LGR4: variants seen among roughly 807,000 people sequenced by gnomAD.
LGR4 encodes the protein leucine-rich repeat-containing G protein-coupled receptor 4.
In LGR4, 44 loss-of-function variants were observed where a neutral mutation model predicts 84.8. The observed-to-expected ratio is 0.52, with a 90% CI of 0.41 to 0.67. The LOEUF (loss-of-function observed/expected upper bound fraction) is 0.67, where lower values mean the gene tolerates loss of function less well. LGR4 is among the 30% of genes least tolerant of loss of function. LGR4 has a pLI of 0.00. For synonymous variants in LGR4, 429 were observed against 434.3 expected (o/e 0.99, Z 0.15); for missense variants, 1,032 against 1,131.4 (o/e 0.91, Z 1.26).
chr11:27,416,654 G>A lies in LGR4; in HGVS notation c.186-3794C>T, dbSNP rs543430557. 3.9e-5 allele frequency among the ~76,000 whole-genome samples: 6 copies of A among 152,148 alleles called. No individual in the cohort carries two copies. The South Asian group carries it at 1.2e-3, about 32-fold the overall frequency. ...CACAAAACTAAACTCCAGAACCCCAGGAGACAAAGATTTTAAGCTGGGAGA... is the reference window on the plus strand; with the variant it reads ...CACAAAACTAAACTCCAGAACCCCAAGAGACAAAGATTTTAAGCTGGGAGA... On this transcript the variant is annotated intron_variant, in intron 1 of 17. Coordinates refer to ENST00000379214, the MANE Select transcript of LGR4 (RefSeq NM_018490.5).
At chr11:27,456,426 T>C (rs1460220941) in intron 1 of LGR4, among the ~76,000 whole-genome samples, 1 of 152,240 alleles carries the variant, frequency 6.6e-6, no homozygotes, top group Non-Finnish European at 1.5e-5. Context: ...ACTTTTATGC[T>C]GACTTCCCTA....
At chr11:27,394,461 G>A (rs537316813) in intron 2 of LGR4, among the ~76,000 whole-genome samples, 31 of 152,190 alleles carry the variant, frequency 2.0e-4, no homozygotes, top group African/African-American at 7.5e-4. Flanking sequence ...GGAGTGCAGT[G>A]GTGCAATCTC....
chr11:27,402,423 T>C (rs1009018019), intron 2 of LGR4, among the ~76,000 whole-genome samples: 5 of 152,082 alleles, frequency 3.3e-5, no homozygotes, highest in African/African-American at 1.2e-4. Flanking sequence ...AGTAAGGAGA[T>C]ACCCTGGGTT....
intron 1 of LGR4, among the ~76,000 whole-genome samples, chr11:27,435,998 G>A (rs971037975): frequency 4.0e-5 from 6 of 151,550 alleles, no homozygotes; most frequent in African/African-American, 9.7e-5. Flanking sequence ...TGCAAGCTCC[G>A]CCTCCTGGGT....
Position 27,368,197 on chromosome 11 carries a change from G to A in LGR4, c.2526C>T (p.Tyr842=). ...AATGTGAGTACATGCCACAGTCGTA[G>A]TAGAAATCCTGTTCCAGACAACCAC... is the stretch of plus-strand genomic sequence containing the variant. The part of the protein sequence containing the change: ...SQGGCLEQDF[Y]YDCGMYSHLQ... The change falls in exon 18 of 18, where the codon TAC becomes TAT. Residue 842 remains tyrosine, a synonymous_variant. Transcript: ENST00000379214. The A allele has an allele frequency of 6.2e-7, 1 of 1,614,250 alleles. No individual in the cohort carries two copies. Among genetic ancestry groups the A allele is most frequent in the Non-Finnish European group, 8.5e-7 (1 of 1,180,044 alleles).
intron 2 of LGR4, among the ~76,000 whole-genome samples, chr11:27,406,313 T>G (rs979538435): frequency 6.6e-6 from 1 of 152,092 alleles, no homozygotes; most frequent in Non-Finnish European, 1.5e-5. Flanking sequence ...CAACAAAAGT[T>G]TGTTGAATTT....
At chr11:27,468,140 T>G (rs1303871634) in intron 1 of LGR4, among the ~76,000 whole-genome samples, 1 of 152,204 alleles carries the variant, frequency 6.6e-6, no homozygotes, top group East Asian at 1.9e-4. Flanking sequence ...GGGAAGAATC[T>G]GAGATGATCT....
At chr11:27,372,571 A>G (rs1007044448) in intron 15 of LGR4, among the ~76,000 whole-genome samples, 173 bp from the exon 16 acceptor site, 1 of 152,152 alleles carries the variant, frequency 6.6e-6, no homozygotes, top group Non-Finnish European at 1.5e-5. Flanking sequence ...ATCTGTGAAA[A>G]CAGCTCTGGT....
chr11:27,467,223 A>C (rs1476070586), intron 1 of LGR4, among the ~76,000 whole-genome samples: 1 of 152,172 alleles, frequency 6.6e-6, no homozygotes, highest in Non-Finnish European at 1.5e-5. Context: ...TCTACAGTTT[A>C]GACACCTATA....
chr11:27,372,221 T>C (rs1862897612), intron 16 of LGR4, 62 bp downstream of exon 16: 2 of 969,850 alleles, frequency 2.1e-6, no homozygotes, highest in South Asian at 2.6e-5. Flanking sequence ...GTAATTATAA[T>C]AACAGGAACT....
intron 1 of LGR4, among the ~76,000 whole-genome samples, chr11:27,413,920 C>A (rs760071534): frequency 2.6e-5 from 4 of 152,110 alleles, no homozygotes; most frequent in Non-Finnish European, 4.4e-5. Flanking sequence ...TTCTCCCCAT[C>A]TTTCCTCTCA....
At chr11:27,444,009 CA>C (rs1311983312) in intron 1 of LGR4, among the ~76,000 whole-genome samples, 1 of 152,034 alleles carries the variant, frequency 6.6e-6, no homozygotes, top group African/African-American at 2.4e-5. Flanking sequence ...TTTGGTCTTT[CA>C]AAGCCCTTAA....
At chr11:27,450,306 T>G (rs1864460466) in intron 1 of LGR4, among the ~76,000 whole-genome samples, 1 of 152,248 alleles carries the variant, frequency 6.6e-6, no homozygotes, top group South Asian at 2.1e-4. Context: ...GGTATATTCC[T>G]CTACTTGAAA....
intron 1 of LGR4, among the ~76,000 whole-genome samples, chr11:27,422,987 T>C (rs1366918781): frequency 6.6e-6 from 1 of 152,198 alleles, no homozygotes; most frequent in Non-Finnish European, 1.5e-5. Flanking sequence ...TTTAGAAGTA[T>C]ACATTAACAT....
chr11:27,376,425 G>C (rs1862982735), intron 12 of LGR4, 55 bp from the exon 13 acceptor site: 1 of 890,574 alleles, frequency 1.1e-6, no homozygotes. Flanking sequence ...GAAGAGAACA[G>C]GAGGAGGAGG....
intron 4 of LGR4, 98 bp from the exon 5 acceptor site, chr11:27,385,566 AT>A: frequency 1.4e-6 from 1 of 703,984 alleles, no homozygotes; most frequent in South Asian, 2.2e-5. Flanking sequence ...AAAAGGACTT[AT>A]AAAAATTATC....
At chr11:27,448,519 C>T (rs113166584) in intron 1 of LGR4, among the ~76,000 whole-genome samples, 1 of 151,896 alleles carries the variant, frequency 6.6e-6, no homozygotes, top group African/African-American at 2.4e-5. Context: ...CTCGAACTCC[C>T]GACCTCAGGT....
chr11:27,380,705 C>A lies in LGR4; in HGVS notation c.837G>T (p.Leu279Phe). ...CCACAAAAGACAGAGGATTATCATACAAATGTCTGTGAAAATATCCAAAAA... is the reference window on the plus strand; with the variant it reads ...CCACAAAAGACAGAGGATTATCATAAAAATGTCTGTGAAAATATCCAAAAA... ...DGNPLLRTIH[L>F]YDNPLSFVGN... The change falls in exon 9 of 18, where the codon TTG (leucine) becomes TTT (phenylalanine). Residue 279 changes from leucine (L) to phenylalanine (F), a missense_variant. By Grantham distance (22) the Leu-to-Phe change is conservative. Transcript: ENST00000379214. The A allele has an allele frequency of 6.3e-7, 1 of 1,597,260 alleles. No individual in the cohort carries two copies. Among genetic ancestry groups the A allele is most frequent in the Non-Finnish European group, 8.6e-7 (1 of 1,167,050 alleles).
rs956297202 is a variant in LGR4 at position 27,367,956 on chromosome 11, C to A, written c.2767G>T (p.Val923Leu). 1 of 1,613,942 alleles carries A rather than the reference C, an allele frequency of 6.2e-7. No homozygotes were observed. The highest frequency in any genetic ancestry group is 8.5e-7 in the Non-Finnish European group (1 of 1,179,936). ...DSFVSDSSDQ[V>L]QACGRACFYQ... ...AAGCAGGCTCGTCCACAGGCCTGCA[C>A]CTGGTCAGAACTGTCTGAGACAAAG... Residue 923 changes from valine to leucine, a missense_variant, in exon 18 of 18, where the codon GTG (valine) becomes TTG (leucine). Coordinates refer to ENST00000379214, the MANE Select transcript of LGR4 (RefSeq NM_018490.5).
Sources: gnomAD v4.1 joint callset for allele counts (sites outside exome capture counted in the v4.1 genomes callset) on GRCh38, gnomAD v4.1.1 for gene constraint, MANE v1.5 for transcripts, NCBI Gene and HGNC (gene_info 2026-07-23, HGNC 2026-07-21) for gene names.